The following HNRNPM variants were observed in gnomAD, a reference collection of about 807,000 sequenced individuals.
The protein encoded by HNRNPM is CEA receptor.
Under a neutral mutation model 73.1 loss-of-function variants are expected in HNRNPM, and 11 were observed. The observed-to-expected ratio is 0.15, with a 90% CI of 0.09 to 0.25. The LOEUF is 0.25. Among genes scored for constraint, HNRNPM ranks in the 10% least tolerant of loss-of-function variants. HNRNPM has a pLI of 1.00. For synonymous variants in HNRNPM, 407 were observed against 355.2 expected (o/e 1.15, Z -1.64); for missense variants, 789 against 1,067.9 (o/e 0.74, Z 3.64).
intron 8 of HNRNPM, 75 bp from the exon 9 acceptor site, chr19:8,468,699 G>C (rs1174112848): frequency 1.8e-6 from 2 of 1,082,776 alleles, no homozygotes; most frequent in East Asian, 2.4e-5. Context: ...TTGATGGGGG[G>C]CCATTTCAGT....
chr19:8,451,904 G>C (rs536312473), intron 1 of HNRNPM, among the ~76,000 whole-genome samples: 40 of 152,276 alleles, frequency 2.6e-4, no homozygotes, highest in African/African-American at 9.6e-4. Context: ...ATTAGTTGGT[G>C]GTGGTAGATT....
chr19:8,479,005 C>G (rs1403230852), intron 12 of HNRNPM, among the ~76,000 whole-genome samples: 1 of 151,568 alleles, frequency 6.6e-6, no homozygotes, highest in East Asian at 1.9e-4. Flanking sequence ...TTAGGCCTAT[C>G]CGTATGCAGA....
chr19:8,473,535 A>G, intron 10 of HNRNPM, 129 bp from the exon 11 acceptor site: 1 of 655,288 alleles, frequency 1.5e-6, no homozygotes. Flanking sequence ...ATTAAAATAT[A>G]TAAAATATAC....
chr19:8,486,097 C>T lies in HNRNPM; in HGVS notation c.1669C>T (p.Arg557Cys). 3 of 1,605,772 alleles carry T rather than the reference C, an allele frequency of 1.9e-6. No individual in the cohort carries two copies. The highest frequency in any genetic ancestry group is 2.5e-6 in the Non-Finnish European group (3 of 1,179,416). Residue 557 changes from arginine (R) to cysteine (C), a missense_variant, in exon 14 of 16, where the codon CGC becomes TGC. Arg to Cys is a radical substitution (Grantham distance 180, BLOSUM62 -3). Transcript: ENST00000325495. ...VMDRMATGLE[R>C]MGANNLERMG... The stretch of plus-strand genomic sequence containing the variant: ...GGATCGCATGGCCACCGGCCTGGAG[C>T]GCATGGGCGCCAACAATCTGGAGCG...
At chr19:8,483,993 C>T (rs141581428) in intron 13 of HNRNPM, among the ~76,000 whole-genome samples, 1 of 151,966 alleles carries the variant, frequency 6.6e-6, no homozygotes, top group African/African-American at 2.4e-5. Context: ...ATCTCAAACT[C>T]CTGGCCTCAA....
intron 12 of HNRNPM, among the ~76,000 whole-genome samples, chr19:8,477,158 A>G (rs1189380903): frequency 5.9e-5 from 9 of 152,134 alleles, no homozygotes; most frequent in Non-Finnish European, 1.3e-4. Flanking sequence ...GATGATTAAT[A>G]ACTAGATTCT....
rs759911819 is a variant in HNRNPM, at chr19:8,486,196, G to A, written c.1768G>A (p.Glu590Lys). The change falls in exon 14 of 16, where the codon GAG becomes AAG. Residue 590 changes from glutamate (E) to lysine (K), a missense_variant. By Grantham distance (56) the Glu-to-Lys change is moderately conservative (BLOSUM62 1). Transcript: ENST00000325495. ...GGAGCGCATGGGTGCCAACAGCCTC[G>A]AGCGCATGGGCCCTGCCATGGGCCC... Reference protein sequence around the residue: ...GLERMGANSLERMGPAMGPAL... With the variant: ...GLERMGANSLKRMGPAMGPAL... The A allele has an allele frequency of 1.0e-5, 16 of 1,583,378 alleles. No homozygotes were observed. The highest frequency in any genetic ancestry group is 2.3e-5 in the South Asian group (2 of 88,424).
chr19:8,488,147 G>A (rs1487685242), intron 15 of HNRNPM: 1 of 152,374 alleles, frequency 6.6e-6, no homozygotes, highest in African/African-American at 2.4e-5. Flanking sequence ...ACCTGCCCTG[G>A]GCCCTCTCTT....
chr19:8,483,023 G>C, intron 12 of HNRNPM, 135 bp from the exon 13 acceptor site: 1 of 628,908 alleles, frequency 1.6e-6, no homozygotes, highest in Non-Finnish European at 2.8e-6. Context: ...TTGTCTGTGC[G>C]TGTGTTTCTC....
At chr19:8,468,561 C>T (rs909141376) in intron 8 of HNRNPM, among the ~76,000 whole-genome samples, 4 of 152,090 alleles carry the variant, frequency 2.6e-5, no homozygotes, top group African/African-American at 9.7e-5. Context: ...TGCCCAGGTC[C>T]CCATCATCCC....
rs756163656 is a variant in HNRNPM at position 8,468,756 on chromosome 19, G to A, written c.835-18G>A. The A allele has an allele frequency of 2.4e-5, 38 of 1,608,980 alleles. No individual in the cohort carries two copies. The highest frequency in any genetic ancestry group is 3.1e-5 in the Non-Finnish European group (36 of 1,175,588). The stretch of plus-strand genomic sequence containing the variant: ...CTGCACTGGATACTGAGATTTGTTT[G>A]TTTTCTTTCTCTTTCAGGATGAGAG... On this transcript the variant is annotated intron_variant, in intron 8 of 15. Transcript: ENST00000325495.
intron 5 of HNRNPM, chr19:8,463,921 G>A (rs970564866): frequency 4.1e-6 from 2 of 487,828 alleles, no homozygotes; most frequent in Non-Finnish European, 7.4e-6. Context: ...TCTGTGATTT[G>A]TCTGAGGCCT....
At chr19:8,451,332 C>T (rs901008491) in intron 1 of HNRNPM, among the ~76,000 whole-genome samples, 8 of 152,048 alleles carry the variant, frequency 5.3e-5, no homozygotes, top group African/African-American at 1.4e-4. Context: ...TGTGAGCCAC[C>T]GCGCCCAGCC....
intron 10 of HNRNPM, 49 bp downstream of exon 10, chr19:8,471,476 A>G (rs1970132953): frequency 8.5e-7 from 1 of 1,182,896 alleles, no homozygotes; most frequent in African/African-American, 1.6e-5. Flanking sequence ...AGTGAAAATT[A>G]TTAATTATTG....
chr19:8,484,193 G>A (rs1242265115), intron 13 of HNRNPM, among the ~76,000 whole-genome samples: 2 of 64,556 alleles, frequency 3.1e-5, no homozygotes, highest in South Asian at 9.0e-4. Flanking sequence ...TTTTTTTTTT[G>A]AGAGACGGAG....
chr19:8,461,039 A>C (rs1969360843), intron 2 of HNRNPM, among the ~76,000 whole-genome samples: 1 of 152,230 alleles, frequency 6.6e-6, no homozygotes, highest in African/African-American at 2.4e-5. Context: ...GCCCCACAGG[A>C]GTACATACTC....
Position 8,483,206 on chromosome 19 carries a change from G to C in HNRNPM, c.1169G>C (p.Gly390Ala). 6.2e-7 allele frequency: 1 copy of C among 1,611,190 alleles called. No individual in the cohort carries two copies. Among genetic ancestry groups the C allele is most frequent in the Non-Finnish European group, 8.5e-7 (1 of 1,177,392 alleles). The change falls in exon 13 of 16, where the codon GGA becomes GCA. Residue 390 changes from glycine to alanine, a missense_variant. Coordinates refer to ENST00000325495, the MANE Select transcript of HNRNPM (RefSeq NM_005968.5). ...LKRGEIIAKQ[G>A]GGGGGGSVPG... ...AGAGGAGAGATCATTGCAAAGCAGG[G>C]AGGAGGTAGGAACCGCTTAGTTTGA...
rs1969468150 is a variant in HNRNPM, at chr19:8,462,418, T to G, written c.284-111T>G. ...AGAGAATATGGAGTGTTTCTGGGCTTTCTTATAAGGCAGAGGCTCCATACA... is the reference window on the plus strand; with the variant it reads ...AGAGAATATGGAGTGTTTCTGGGCTGTCTTATAAGGCAGAGGCTCCATACA... On this transcript the variant is annotated intron_variant, in intron 2 of 15. Coordinates refer to ENST00000325495, the MANE Select transcript of HNRNPM (RefSeq NM_005968.5). The surrounding 1 kb of genome is among the most constrained non-coding windows in gnomAD (Gnocchi z 4.5). 4.4e-6 allele frequency: 4 copies of G among 904,628 alleles called. No homozygotes were observed. The Admixed American group carries it at 7.2e-5, about 16-fold the overall frequency. 56.0% of individuals were successfully genotyped at this position (904,628 alleles called of 1,614,324 possible).
chr19:8,464,321 G>A (rs541169114), intron 5 of HNRNPM, among the ~76,000 whole-genome samples: 6 of 152,286 alleles, frequency 3.9e-5, no homozygotes, highest in Admixed American at 3.9e-4. Flanking sequence ...TATTCCTTGA[G>A]GAAGAAGGTT....
Sources: allele counts gnomAD v4.1 joint callset (sites outside exome capture counted in the v4.1 genomes callset), GRCh38; gene constraint gnomAD v4.1.1; non-coding constraint Gnocchi (gnomAD v3.1); transcripts MANE v1.5; gene names NCBI Gene and HGNC (gene_info 2026-07-23, HGNC 2026-07-21).